IGF2R: variants seen among roughly 807,000 people sequenced by gnomAD.
IGF2R encodes the protein insulin like growth factor 2 receptor.
IGF2R carries 91 observed loss-of-function variants against 270.6 expected under a neutral mutation model. The observed-to-expected ratio is 0.34, with a 90% confidence interval of 0.28 to 0.40. The LOEUF (loss-of-function observed/expected upper bound fraction) is 0.40, where lower values mean the gene tolerates loss of function less well. Among genes scored for constraint, IGF2R ranks in the 10% least tolerant of loss-of-function variants. IGF2R has a pLI of 1.00. For synonymous variants in IGF2R, 1,316 were observed against 1,258.9 expected (o/e 1.05, Z -0.96); for missense variants, 2,805 against 3,188.3 (o/e 0.88, Z 2.90).
At chr6:160,057,428 T>C (rs2115258361) in intron 20 of IGF2R, among the ~76,000 whole-genome samples, 1 of 152,344 alleles carries the variant, frequency 6.6e-6, no homozygotes, top group Non-Finnish European at 1.5e-5. Flanking sequence ...GACCAAGGCT[T>C]TTCCAAACCA....
In IGF2R at chr6:160,033,063, C is replaced by T; in HGVS notation, c.1167C>T (p.Thr389=). ...TTTGCCAAGTGAAAAAGAGCGATAC[C>T]TCTCAAGTCAAAGCAGCAGGAAGAT... ...AAVCQVKKSD[T]SQVKAAGRYH... is the part of the protein sequence containing the mutation. The change falls in exon 9 of 48, where the codon ACC becomes ACT. Residue 389 remains threonine, a synonymous_variant. Transcript: ENST00000356956. The T allele has an allele frequency of 6.2e-7, 1 of 1,613,274 alleles. No homozygotes were observed. The highest frequency in any genetic ancestry group is 8.5e-7 in the Non-Finnish European group (1 of 1,179,232).
At chr6:160,069,256 C>T (rs1357567016) in intron 30 of IGF2R, among the ~76,000 whole-genome samples, 3 of 152,108 alleles carry the variant, frequency 2.0e-5, no homozygotes, top group African/African-American at 4.8e-5. Context: ...ATCCCATGTT[C>T]GTGGAGTTTC....
intron 5 of IGF2R, 41 bp downstream of exon 5, chr6:160,024,745 TTTC>T: frequency 6.2e-7 from 1 of 1,603,396 alleles, no homozygotes; most frequent in Non-Finnish European, 8.5e-7. Flanking sequence ...TGGTGAGGGA[TTTC>T]TTCTATGGCT....
chr6:160,029,087 A>AT (rs1777633884), intron 6 of IGF2R, among the ~76,000 whole-genome samples: 1 of 152,016 alleles, frequency 6.6e-6, no homozygotes. Context: ...TGTTCAAGTG[A>AT]TTCTCCTGCC....
At chr6:160,076,327 GAAGTCAGAAAGA>G (rs1215849207) in intron 36 of IGF2R, among the ~76,000 whole-genome samples, 1 of 152,144 alleles carries the variant, frequency 6.6e-6, no homozygotes, top group Non-Finnish European at 1.5e-5. Context: ...TTCTAACTGG[GAAGTCAGAAAGA>G]CATTTGGGCA....
chr6:160,023,616 A>C (rs1777486560), intron 4 of IGF2R, among the ~76,000 whole-genome samples: 1 of 152,196 alleles, frequency 6.6e-6, no homozygotes, highest in South Asian at 2.1e-4. Context: ...AAGCTGAGGC[A>C]TGGAGGTTAA....
chr6:160,074,776 A>G (rs536309287), intron 35 of IGF2R, among the ~76,000 whole-genome samples: 127 of 152,298 alleles, frequency 8.3e-4, no homozygotes, highest in Admixed American at 2.1e-3. Flanking sequence ...TGGCCATTAT[A>G]TGTGGCAGTG....
chr6:160,083,668 T>A (rs186664689), intron 39 of IGF2R, among the ~76,000 whole-genome samples: 43 of 152,380 alleles, frequency 2.8e-4, no homozygotes, highest in Non-Finnish European at 5.6e-4. Flanking sequence ...CAATGACTTT[T>A]ACCGAGTATA....
chr6:159,996,527 G>A (rs916955665), intron 2 of IGF2R, among the ~76,000 whole-genome samples: 39 of 152,174 alleles, frequency 2.6e-4, no homozygotes, highest in African/African-American at 9.2e-4. Flanking sequence ...CCCTAACAGG[G>A]GTAGCAGGGG....
intron 42 of IGF2R, among the ~76,000 whole-genome samples, 158 bp from the exon 43 acceptor site, chr6:160,088,949 C>T (rs888378024): frequency 2.0e-5 from 3 of 152,218 alleles, no homozygotes; most frequent in African/African-American, 7.2e-5. Context: ...GCCTGCGCAG[C>T]CCGGGGAGTG....
At position 160,105,437 on chromosome 6, in the gene IGF2R, T is replaced by C. The variant is rs925376404; in HGVS notation, c.*353T>C. 2.1e-5 allele frequency: 4 copies of C among 187,152 alleles called. No individual in the cohort carries two copies. The highest frequency in any genetic ancestry group is 7.0e-5 in the African/African-American group (3 of 42,710). The allele number at this position is 187,152 out of a possible 1,614,324, so 11.6% of individuals were successfully genotyped here. Reference sequence around the variant, plus strand: ...GTCCCGATAGGGTATTTGACCCCGATATATTTTAGCATTTTAATTCTCTCC... The same window carrying C: ...GTCCCGATAGGGTATTTGACCCCGACATATTTTAGCATTTTAATTCTCTCC... On this transcript the variant is annotated 3_prime_UTR_variant, in exon 48 of 48. Coordinates refer to ENST00000356956, the MANE Select transcript of IGF2R (RefSeq NM_000876.4).
intron 2 of IGF2R, among the ~76,000 whole-genome samples, chr6:159,996,715 G>T (rs755133115): frequency 6.6e-6 from 1 of 152,196 alleles, no homozygotes; most frequent in East Asian, 1.9e-4. Context: ...TGAGTGCTAC[G>T]AGAGACACCT....
At position 160,068,208 on chromosome 6, in the gene IGF2R, T is replaced by G. The variant is rs774344138; in HGVS notation, c.4116-41T>G. 3.7e-6 allele frequency: 6 copies of G among 1,603,778 alleles called. No homozygotes were observed. In the South Asian group the frequency reaches 4.4e-5, roughly 12 times the overall value. On this transcript the variant is annotated intron_variant, in intron 29 of 47. Coordinates refer to ENST00000356956, the MANE Select transcript of IGF2R (RefSeq NM_000876.4). ...CAGAGTGCCCAATGTTTAAAGAGAA[T>G]ACGACCAAGCCTAACTAACTGCGGG...
rs1472626277 is a variant in IGF2R, at chr6:160,073,967, C to G, written c.5158C>G (p.Pro1720Ala). Residue 1720 changes from proline to alanine, a missense_variant, in exon 35 of 48, where the codon CCC (proline) becomes GCC (alanine). By Grantham distance (27) the Pro-to-Ala change is conservative. Around this residue, in one of 2 missense-constraint regions of IGF2R, gnomAD observed 1,851 missense variants for 2,207.2 expected, o/e 0.84. Coordinates refer to ENST00000356956, the MANE Select transcript of IGF2R (RefSeq NM_000876.4). The stretch of plus-strand genomic sequence containing the variant: ...TGTGTGCAAAGTTCCTATTGATGGT[C>G]CCCCCATAGTAAGTATGACAAATCC... ...AAVCKVPIDG[P>A]PIDIGRVAGP... The G allele has an allele frequency of 6.2e-7, 1 of 1,608,622 alleles. No homozygotes were observed. Among genetic ancestry groups the G allele is most frequent in the Non-Finnish European group, 8.5e-7 (1 of 1,176,132 alleles).
Position 160,040,727 on chromosome 6 carries a change from A to C in IGF2R, c.1480+3A>C. 6.2e-7 allele frequency: 1 copy of C among 1,609,858 alleles called. No homozygotes were observed. The highest frequency in any genetic ancestry group is 2.2e-5 in the East Asian group (1 of 44,780). On this transcript the variant is annotated splice_donor_region_variant and intron_variant, in intron 11 of 47. Transcript: ENST00000356956. The stretch of plus-strand genomic sequence containing the variant: ...GTCCGCGCTGGTCCGCCATGCAGGT[A>C]CTGCCCTCCTTGCCATGCGGGTCTT...
rs1779688119 is a variant in IGF2R, at chr6:160,109,077, G to A, written c.*3993G>A. 1 of 152,238 alleles carries A rather than the reference G, an allele frequency of 6.6e-6. No homozygotes were observed. The allele number at this position is 152,238 out of a possible 1,614,324, so 9.4% of individuals were successfully genotyped here. On this transcript the variant is annotated 3_prime_UTR_variant, in exon 48 of 48. Coordinates refer to ENST00000356956, the MANE Select transcript of IGF2R (RefSeq NM_000876.4). ...TTTATGCTATCTTGTAGTTTGACCA[G>A]TTTGCAAAACAAATTGAATAAAAAG...
intron 45 of IGF2R, among the ~76,000 whole-genome samples, chr6:160,101,513 G>A (rs1779484039): frequency 6.6e-6 from 1 of 152,246 alleles, no homozygotes; most frequent in African/African-American, 2.4e-5. Flanking sequence ...GCTGAACTTT[G>A]AGAGCGGCAG....
intron 31 of IGF2R, 105 bp from the exon 32 acceptor site, chr6:160,071,805 C>T: frequency 7.0e-7 from 1 of 1,433,482 alleles, no homozygotes; most frequent in Non-Finnish European, 9.7e-7. Flanking sequence ...AGAAATGTCA[C>T]ATGCTGTGGA....
Position 160,034,503 on chromosome 6 carries a change from T to C in IGF2R, c.1296T>C (p.Phe432=). Residue 432 remains phenylalanine (F), a synonymous_variant, in exon 10 of 48, where the codon TTT becomes TTC. Coordinates refer to ENST00000356956, the MANE Select transcript of IGF2R (RefSeq NM_000876.4). The part of the protein sequence containing the change: ...SGFQRMSVIN[F]ECNKTAGNDG... ...TTCAGCGGATGAGCGTCATAAACTT[T>C]GAGTGCAATAAAACCGCAGGTAAGT... is the stretch of plus-strand genomic sequence containing the variant. 4 of 1,610,094 alleles carry C rather than the reference T, an allele frequency of 2.5e-6. No individual in the cohort carries two copies. Among genetic ancestry groups the C allele is most frequent in the Non-Finnish European group, 3.4e-6 (4 of 1,176,464 alleles).
Sources: gnomAD v4.1 joint callset for allele counts (sites outside exome capture counted in the v4.1 genomes callset) on GRCh38, gnomAD v4.1.1 for gene constraint, gnomAD v4.1.1 regional missense constraint, MANE v1.5 for transcripts, NCBI Gene and HGNC (gene_info 2026-07-23, HGNC 2026-07-21) for gene names.